Variants in SGCE observed in about 807,000 individuals in gnomAD.
SGCE encodes sarcoglycan epsilon.
SGCE carries 26 observed loss-of-function variants against 57.8 expected under a neutral mutation model. The ratio of observed to expected loss-of-function variants is 0.45; its 90% CI spans 0.33 to 0.62. The LOEUF is 0.62. SGCE is among the 20% of genes least tolerant of loss of function. The pLI is 0.02. For missense variants in SGCE, 468 were observed against 548.6 expected, an observed-to-expected ratio of 0.85 and a Z score of 1.47; for synonymous variants, 183 against 189.5, an observed-to-expected ratio of 0.97 and a Z score of 0.28.
chr7:94,636,755 G>A lies in SGCE; in HGVS notation c.110-6914C>T, dbSNP rs1375810299. On this transcript the variant is annotated intron_variant, in intron 1 of 10. Coordinates refer to ENST00000648936, the MANE Select transcript of SGCE (RefSeq NM_003919.3). ...TTTACAGAAGAAGTACCATCCTACC[G>A]CTTTAGCTAAGAATTGGAATATTCT... Among the ~76,000 whole-genome samples, 4 of 152,226 alleles carry A rather than the reference G, an allele frequency of 2.6e-5. No individual in the cohort carries two copies. In the South Asian group the frequency reaches 6.2e-4, roughly 24 times the overall value.
intron 4 of SGCE, chr7:94,619,269 C>T (rs1802411058): frequency 4.2e-6 from 1 of 235,758 alleles, no homozygotes; most frequent in Non-Finnish European, 8.3e-6. Context: ...TATAATATTA[C>T]TGATCTTTTG....
chr7:94,643,572 T>C (rs1487608615), intron 1 of SGCE, among the ~76,000 whole-genome samples: 1 of 152,196 alleles, frequency 6.6e-6, no homozygotes, highest in African/African-American at 2.4e-5. Flanking sequence ...CAATGTTTTA[T>C]GGCTCTACTC....
chr7:94,615,703 T>C (rs1418783913), intron 5 of SGCE, among the ~76,000 whole-genome samples: 3 of 152,162 alleles, frequency 2.0e-5, no homozygotes, highest in Admixed American at 6.5e-5. Flanking sequence ...AGTGGTAAGT[T>C]TGACAATCTC....
intron 3 of SGCE, chr7:94,627,338 G>A (rs1584687015): frequency 1.3e-5 from 2 of 151,936 alleles, no homozygotes; most frequent in African/African-American, 4.8e-5. Flanking sequence ...CAGTTGTTTT[G>A]TTGTTGTTAA....
At chr7:94,621,417 C>T (rs1297042092) in intron 4 of SGCE, 1 of 152,256 alleles carries the variant, frequency 6.6e-6, no homozygotes, top group Admixed American at 6.5e-5. Flanking sequence ...GACAAAGAGC[C>T]CTGCTGCCAA....
At position 94,601,443 on chromosome 7, in the gene SGCE, C is replaced by CAAAAAA. The variant is rs71123905; in HGVS notation, c.826-592_826-587dup. On this transcript the variant is annotated intron_variant, in intron 6 of 10. Coordinates refer to ENST00000648936, the MANE Select transcript of SGCE (RefSeq NM_003919.3). Reference sequence around the variant, plus strand: ...GTCTTACTTAATTCTATCCCAGTATCAAAAAAAAAAAAAAAAAAAAAAAAA... The same window carrying CAAAAAA: ...GTCTTACTTAATTCTATCCCAGTATCAAAAAAAAAAAAAAAAAAAAAAAAAAAAAAA... 7.5e-3 allele frequency among the ~76,000 whole-genome samples: 671 copies of CAAAAAA among 89,238 alleles called. 130 individuals carry two copies. The highest frequency in any genetic ancestry group is 0.026 in the African/African-American group (445 of 17,274). The allele number at this position is 89,238 out of a possible 152,430, so 58.5% of individuals were successfully genotyped here. A position where few individuals can be genotyped will look rare whatever the true frequency, so the allele number is the denominator to read the frequency against.
intron 3 of SGCE, chr7:94,623,992 A>G (rs550395503): frequency 1.5e-4 from 58 of 388,854 alleles, no homozygotes; most frequent in Non-Finnish European, 2.4e-4. Flanking sequence ...ATACGGGCAA[A>G]TATTAGTAAA....
intron 1 of SGCE, among the ~76,000 whole-genome samples, chr7:94,648,211 A>C (rs933784020): frequency 1.3e-5 from 2 of 151,900 alleles, no homozygotes; most frequent in African/African-American, 2.4e-5. Flanking sequence ...CGTCTTTACT[A>C]AAAATACAAA....
At chr7:94,629,551 GTAAT>G (rs1804338970) in intron 2 of SGCE, 164 bp downstream of exon 2, 1 of 653,110 alleles carries the variant, frequency 1.5e-6, no homozygotes, top group African/African-American at 1.9e-5. Context: ...ATTTTTGTCT[GTAAT>G]TAAATTTCTA....
At chr7:94,587,659 T>C (rs1797080643) in intron 10 of SGCE, 1 of 1,502,000 alleles carries the variant, frequency 6.7e-7, no homozygotes, top group Non-Finnish European at 8.8e-7. Context: ...CATCAATATA[T>C]TGAACAGTCT....
intron 2 of SGCE, 148 bp downstream of exon 2, chr7:94,629,571 T>C: frequency 1.3e-6 from 1 of 754,222 alleles, no homozygotes; most frequent in Non-Finnish European, 2.2e-6. Flanking sequence ...TTCTAATCTG[T>C]AAATGAGAAA....
chr7:94,602,043 A>G (rs944340832), intron 6 of SGCE, among the ~76,000 whole-genome samples: 4 of 152,134 alleles, frequency 2.6e-5, no homozygotes, highest in Admixed American at 1.3e-4. Flanking sequence ...CAAGGAGTAT[A>G]TCATTTTTTA....
intron 1 of SGCE, among the ~76,000 whole-genome samples, chr7:94,639,689 T>G (rs1304934566): frequency 6.6e-6 from 1 of 152,198 alleles, no homozygotes; most frequent in Non-Finnish European, 1.5e-5. Context: ...TGGCAATTCA[T>G]GTACATATAC....
chr7:94,600,386 C>G, intron 7 of SGCE: 3 of 416,708 alleles, frequency 7.2e-6, no homozygotes, highest in Admixed American at 4.0e-5. Context: ...CTCAATTATT[C>G]TTGGGACTGT....
At chr7:94,649,535 C>T (rs1378982561) in intron 1 of SGCE, among the ~76,000 whole-genome samples, 1 of 152,194 alleles carries the variant, frequency 6.6e-6, no homozygotes, top group Non-Finnish European at 1.5e-5. Flanking sequence ...AAGCCAGAAA[C>T]TCATCTTTGA....
At chr7:94,585,915 T>A (rs1796824512) in intron 10 of SGCE, among the ~76,000 whole-genome samples, 2 of 152,016 alleles carry the variant, frequency 1.3e-5, no homozygotes, top group African/African-American at 4.8e-5. Flanking sequence ...CCTAATGGTT[T>A]GGGCCTAGTC....
intron 1 of SGCE, among the ~76,000 whole-genome samples, chr7:94,648,317 G>T (rs1807391646): frequency 7.2e-6 from 1 of 138,262 alleles, no homozygotes; most frequent in Non-Finnish European, 1.5e-5. Flanking sequence ...GGAGGTTGCA[G>T]TGAGCCAAGA....
intron 3 of SGCE, 61 bp downstream of exon 3, chr7:94,628,137 TACAC>T (rs138881114): frequency 4.0e-4 from 391 of 989,460 alleles, no homozygotes; most frequent in African/African-American, 1.1e-3. Flanking sequence ...CAAATTACAA[TACAC>T]ACACACACAC....
chr7:94,646,861 A>T (rs921439438), intron 1 of SGCE, among the ~76,000 whole-genome samples: 1 of 152,216 alleles, frequency 6.6e-6, no homozygotes, highest in African/African-American at 2.4e-5. Flanking sequence ...AAATCCATAC[A>T]TTCTCATTGT....
Sources: allele counts gnomAD v4.1 joint callset (sites outside exome capture counted in the v4.1 genomes callset), GRCh38; gene constraint gnomAD v4.1.1; transcripts MANE v1.5; gene names NCBI Gene and HGNC (gene_info 2026-07-23, HGNC 2026-07-21).